The following SOX13 variants were observed in gnomAD, a reference collection of about 807,000 sequenced individuals.
SOX13 encodes the protein transcription factor SOX-13.
SOX13 carries 28 observed loss-of-function variants against 71.8 expected under a neutral mutation model. The ratio of observed to expected loss-of-function variants is 0.39; its 90% CI spans 0.29 to 0.53. SOX13 has a LOEUF of 0.53. SOX13 is among the 20% of genes least tolerant of loss of function. The pLI is 0.70. For missense variants in SOX13, 627 were observed against 810.3 expected (o/e 0.77, Z 2.75); for synonymous variants, 309 against 317.8 (o/e 0.97, Z 0.29).
chr1:204,111,321 C>A (rs1417309176), intron 1 of SOX13, among the ~76,000 whole-genome samples: 1 of 152,226 alleles, frequency 6.6e-6, no homozygotes, highest in Non-Finnish European at 1.5e-5. Flanking sequence ...AGCTAAGCAA[C>A]TTGCCCTAGG....
chr1:204,083,236 T>C (rs1374876727), intron 1 of SOX13, among the ~76,000 whole-genome samples: 2 of 152,272 alleles, frequency 1.3e-5, no homozygotes, highest in Non-Finnish European at 1.5e-5. Context: ...ACACCCTTTA[T>C]TGAGCCTGAG....
rs771014997 is a variant in SOX13 at position 204,115,657 on chromosome 1, C to CTTTTTTTTTT, written c.419-834_419-825dup. Reference sequence around the variant, plus strand: ...TTTGCATATATTAGCGCTTCTTCTTCTTTTTTTTTTTTTTTTTTTTTTTTT... The same window carrying CTTTTTTTTTT: ...TTTGCATATATTAGCGCTTCTTCTTCTTTTTTTTTTTTTTTTTTTTTTTTTTTTTTTTTTT... On this transcript the variant is annotated intron_variant, in intron 4 of 13. Transcript: ENST00000367204. 3.1e-4 allele frequency among the ~76,000 whole-genome samples: 18 copies of CTTTTTTTTTT among 57,414 alleles called. 1 individual carries two copies. Among genetic ancestry groups the CTTTTTTTTTT allele is most frequent in the East Asian group, 7.0e-4 (1 of 1,420 alleles). 37.7% of individuals were successfully genotyped at this position (57,414 alleles called of 152,430 possible).
intron 1 of SOX13, among the ~76,000 whole-genome samples, chr1:204,107,885 C>G (rs958041916): frequency 6.6e-6 from 1 of 152,162 alleles, no homozygotes; most frequent in Non-Finnish European, 1.5e-5. Context: ...CTGGTGGGCA[C>G]CCAGCCCTAG....
chr1:204,099,185 G>C (rs1310921121), intron 1 of SOX13, among the ~76,000 whole-genome samples: 1 of 152,156 alleles, frequency 6.6e-6, no homozygotes, highest in Non-Finnish European at 1.5e-5. Flanking sequence ...CAGTCTCTGG[G>C]TTCAGTTTCT....
rs201185964 is a variant in SOX13 at position 204,116,539 on chromosome 1, C to A, written c.451C>A (p.Gln151Lys). Residue 151 changes from glutamine (Q) to lysine (K), a missense_variant, in exon 5 of 14, where the codon CAG becomes AAG. Coordinates refer to ENST00000367204, the MANE Select transcript of SOX13 (RefSeq NM_005686.3). ...TQESLAEKEL[Q>K]LLVMIHQLST... The stretch of plus-strand genomic sequence containing the variant: ...AGAGAGCCTAGCAGAGAAGGAGCTC[C>A]AGCTTCTGGTCATGATTCACCAGCT... 1.2e-6 allele frequency: 2 copies of A among 1,614,010 alleles called. No individual in the cohort carries two copies. The highest frequency in any genetic ancestry group is 2.7e-5 in the African/African-American group (2 of 75,062).
chr1:204,125,942 G>T lies in SOX13; in HGVS notation c.1677G>T (p.Val559=). ...GCATGCCGCTGGCACAGCCACTGGTGGAGCACTATGTCCCTCGTAGCCTGG... is the reference window on the plus strand; with the variant it reads ...GCATGCCGCTGGCACAGCCACTGGTTGAGCACTATGTCCCTCGTAGCCTGG... The part of the protein sequence containing the change: ...AAGMPLAQPL[V]EHYVPRSLDP... Residue 559 remains valine, a synonymous_variant, in exon 14 of 14, where the codon GTG becomes GTT. Transcript: ENST00000367204. 6.2e-7 allele frequency: 1 copy of T among 1,613,826 alleles called. No homozygotes were observed. Among genetic ancestry groups the T allele is most frequent in the East Asian group, 2.2e-5 (1 of 44,874 alleles).
chr1:204,100,262 G>A (rs1484194703), intron 1 of SOX13, among the ~76,000 whole-genome samples: 2 of 152,242 alleles, frequency 1.3e-5, no homozygotes, highest in Non-Finnish European at 2.9e-5. Context: ...GGATTGGTCA[G>A]TGCCCATGAC....
Position 204,114,553 on chromosome 1 carries a change from CT to C in SOX13, c.367del (p.Trp123GlyfsTer6), listed in dbSNP as rs1184350348. ...PAIEKLLSSD[W>X]KERFLGRNSM... ...CCATAGAGAAGCTGTTGTCCAGTGACTGGAAGGAGAGGTTTCTAGGAAGGAA... is the reference window on the plus strand; with the variant it reads ...CCATAGAGAAGCTGTTGTCCAGTGACGGAAGGAGAGGTTTCTAGGAAGGAA... On this transcript the variant is annotated frameshift_variant, in exon 4 of 14. Coordinates refer to ENST00000367204, the MANE Select transcript of SOX13 (RefSeq NM_005686.3). LOFTEE classifies it high-confidence loss of function. The C allele has an allele frequency of 6.2e-7, 1 of 1,613,798 alleles. No homozygotes were observed. Among genetic ancestry groups the C allele is most frequent in the African/African-American group, 1.3e-5 (1 of 74,908 alleles).
chr1:204,085,783 G>T (rs1471366731), intron 1 of SOX13, among the ~76,000 whole-genome samples: 9 of 151,742 alleles, frequency 5.9e-5, no homozygotes, highest in Non-Finnish European at 1.0e-4. Flanking sequence ...GACCATCCTG[G>T]CTAACACGGT....
intron 1 of SOX13, among the ~76,000 whole-genome samples, chr1:204,089,358 A>G (rs1656093324): frequency 6.6e-6 from 1 of 152,232 alleles, no homozygotes; most frequent in South Asian, 2.1e-4. Flanking sequence ...GAGCCCAGAC[A>G]GCCCTGGGGA....
intron 1 of SOX13, among the ~76,000 whole-genome samples, chr1:204,077,923 T>A (rs968426762): frequency 6.6e-6 from 1 of 152,212 alleles, no homozygotes; most frequent in Non-Finnish European, 1.5e-5. Context: ...GCAATTCTCC[T>A]GCCTCAGCCT....
At chr1:204,086,393 T>C (rs966251762) in intron 1 of SOX13, among the ~76,000 whole-genome samples, 4 of 152,158 alleles carry the variant, frequency 2.6e-5, no homozygotes, top group Non-Finnish European at 4.4e-5. Context: ...AACCTCCGCC[T>C]CCCAGGTTCA....
chr1:204,122,812 C>G (rs754221081), intron 9 of SOX13, 42 bp from the exon 10 acceptor site: 62 of 1,283,624 alleles, frequency 4.8e-5, no homozygotes, highest in Admixed American at 1.1e-4. Context: ...ATGCCCTCAG[C>G]TTCTCTCGCT....
intron 1 of SOX13, among the ~76,000 whole-genome samples, chr1:204,086,377 C>T (rs1656019082): frequency 6.6e-6 from 1 of 152,166 alleles, no homozygotes; most frequent in South Asian, 2.1e-4. Flanking sequence ...GATCTCGGCT[C>T]ACTGCAACCT....
intron 1 of SOX13, among the ~76,000 whole-genome samples, chr1:204,109,069 C>T (rs947772703): frequency 2.6e-5 from 4 of 152,182 alleles, no homozygotes; most frequent in African/African-American, 7.2e-5. Context: ...TGGGCTGAGC[C>T]GCCTGCTTTC....
chr1:204,088,588 A>T (rs1656071594), intron 1 of SOX13, among the ~76,000 whole-genome samples: 1 of 151,902 alleles, frequency 6.6e-6, no homozygotes, highest in Non-Finnish European at 1.5e-5. Flanking sequence ...GTGCCTTCTC[A>T]CTCCTGTCCC....
At chr1:204,121,146 A>G (rs1373340320) in intron 7 of SOX13, among the ~76,000 whole-genome samples, 2 of 151,778 alleles carry the variant, frequency 1.3e-5, no homozygotes, top group Non-Finnish European at 2.9e-5. Context: ...CACCCGGCTA[A>G]TTTTTGTATT....
At chr1:204,122,820 G>GCTTCTCTTCCCTCT (rs1558222730) in intron 9 of SOX13, 34 bp from the exon 10 acceptor site, 1 of 1,364,088 alleles carries the variant, frequency 7.3e-7, no homozygotes, top group East Asian at 2.5e-5. Context: ...AGCTTCTCTC[G>GCTTCTCTTCCCTCT]CTTCTCTTCC....
rs1656837731 is a variant in SOX13 at position 204,122,847 on chromosome 1, C to T, written c.1025-7C>T. 9 of 1,536,888 alleles carry T rather than the reference C, an allele frequency of 5.9e-6. No individual in the cohort carries two copies. Among genetic ancestry groups the T allele is most frequent in the Middle Eastern group, 1.7e-4 (1 of 5,942 alleles). Reference sequence around the variant, plus strand: ...TTCTCTTCCCTCTCTTCTGCCCTCTCCCACAGGCTTCCTTGGTGAAGGGGA... The same window carrying T: ...TTCTCTTCCCTCTCTTCTGCCCTCTTCCACAGGCTTCCTTGGTGAAGGGGA... On this transcript the variant is annotated splice_polypyrimidine_tract_variant and splice_region_variant and intron_variant, in intron 9 of 13. Coordinates refer to ENST00000367204, the MANE Select transcript of SOX13 (RefSeq NM_005686.3).
Sources: gnomAD v4.1 joint callset for allele counts (sites outside exome capture counted in the v4.1 genomes callset) on GRCh38, gnomAD v4.1.1 for gene constraint, MANE v1.5 for transcripts, NCBI Gene and HGNC (gene_info 2026-07-23, HGNC 2026-07-21) for gene names.